CAMK1D: variants seen among roughly 807,000 people sequenced by gnomAD.
CAMK1D encodes calcium/calmodulin dependent protein kinase ID.
CAMK1D carries 9 observed loss-of-function variants against 47.7 expected under a neutral mutation model. The observed-to-expected ratio is 0.19, with a 90% CI of 0.11 to 0.33. The LOEUF (loss-of-function observed/expected upper bound fraction) is 0.33, where lower values mean the gene tolerates loss of function less well. Among genes scored for constraint, CAMK1D ranks in the 10% least tolerant of loss-of-function variants. CAMK1D has a pLI of 1.00. For missense variants in CAMK1D, 291 were observed against 488.7 expected (o/e 0.60, Z 3.81); for synonymous variants, 184 against 184.9 (o/e 0.99, Z 0.04).
At chr10:12,425,999 G>C (rs1212499663) in intron 1 of CAMK1D, among the ~76,000 whole-genome samples, 1 of 152,184 alleles carries the variant, frequency 6.6e-6, no homozygotes, top group Non-Finnish European at 1.5e-5. Context: ...GCCCATGCCA[G>C]GTATATGTCA....
intron 1 of CAMK1D, among the ~76,000 whole-genome samples, chr10:12,382,057 A>G (rs1564304107): frequency 6.6e-6 from 1 of 152,106 alleles, no homozygotes; most frequent in African/African-American, 2.4e-5. Flanking sequence ...ACAATTTTTC[A>G]TTTTTTTATC....
intron 7 of CAMK1D, 130 bp from the exon 8 acceptor site, chr10:12,816,120 G>A (rs1832782401): frequency 1.5e-6 from 1 of 677,824 alleles, no homozygotes. Flanking sequence ...CCAAGGTACA[G>A]TAGTCTCTGT....
chr10:12,506,502 G>A (rs1834875769), intron 1 of CAMK1D, among the ~76,000 whole-genome samples: 1 of 151,990 alleles, frequency 6.6e-6, no homozygotes, highest in South Asian at 2.1e-4. Flanking sequence ...GGAAGATCTG[G>A]GCTCTCTCTT....
At chr10:12,648,329 G>T (rs1839867410) in intron 2 of CAMK1D, among the ~76,000 whole-genome samples, 2 of 152,104 alleles carry the variant, frequency 1.3e-5, no homozygotes, top group South Asian at 4.2e-4. Flanking sequence ...GGTTCCCCCT[G>T]CCTAGCGATG....
chr10:12,587,457 G>T (rs1349062513), intron 2 of CAMK1D, among the ~76,000 whole-genome samples: 1 of 151,958 alleles, frequency 6.6e-6, no homozygotes, highest in African/African-American at 2.4e-5. Flanking sequence ...GACAGCCGGG[G>T]CTTCTGGAGG....
intron 1 of CAMK1D, among the ~76,000 whole-genome samples, chr10:12,489,478 G>A (rs1280270327): frequency 2.0e-5 from 3 of 152,184 alleles, no homozygotes; most frequent in Admixed American, 2.0e-4. Context: ...GAAGTCATTT[G>A]TGCTTCCATA....
chr10:12,712,369 G>A (rs765646487), intron 3 of CAMK1D, among the ~76,000 whole-genome samples: 2 of 152,210 alleles, frequency 1.3e-5, no homozygotes, highest in African/African-American at 4.8e-5. Flanking sequence ...CTGCAGCAGC[G>A]CCATGGAGGG....
At chr10:12,451,468 C>A (rs1833081098) in intron 1 of CAMK1D, among the ~76,000 whole-genome samples, 1 of 152,170 alleles carries the variant, frequency 6.6e-6, no homozygotes, top group East Asian at 1.9e-4. Context: ...GACCTGGTAT[C>A]CCCAGGGACC....
Position 12,622,591 on chromosome 10 carries a change from ATACT to A in CAMK1D, c.225-44143_225-44140del, listed in dbSNP as rs200337274. Reference sequence around the variant, plus strand: ...TTATACTTAGGAAGAATAGAGAAACATACTTCTACTCCTTTTTGCAAGTGGAGGC... The same window carrying A: ...TTATACTTAGGAAGAATAGAGAAACATCTACTCCTTTTTGCAAGTGGAGGC... On this transcript the variant is annotated intron_variant, in intron 2 of 10. Coordinates refer to ENST00000619168, the MANE Select transcript of CAMK1D (RefSeq NM_153498.4). Among the ~76,000 whole-genome samples, 1,121 of 152,196 alleles carry A rather than the reference ATACT, an allele frequency of 7.4e-3. 48 individuals are homozygous for A. Among genetic ancestry groups the A allele is most frequent in the Admixed American group, 0.067 (1,018 of 15,282 alleles).
At chr10:12,807,510 T>C (rs1024792322) in intron 6 of CAMK1D, among the ~76,000 whole-genome samples, 18 of 151,996 alleles carry the variant, frequency 1.2e-4, no homozygotes, top group Non-Finnish European at 2.5e-4. Context: ...CCTCAGGGAG[T>C]TGGCTCAGCT....
chr10:12,815,716 A>G (rs904019973), intron 7 of CAMK1D, among the ~76,000 whole-genome samples: 1 of 152,228 alleles, frequency 6.6e-6, no homozygotes, highest in Non-Finnish European at 1.5e-5. Flanking sequence ...TTCCCCCAGC[A>G]GGGCACAGCT....
intron 1 of CAMK1D, among the ~76,000 whole-genome samples, chr10:12,383,159 T>A (rs180779022): frequency 6.6e-6 from 1 of 152,320 alleles, no homozygotes; most frequent in Non-Finnish European, 1.5e-5. Context: ...GTAGTTTTTT[T>A]ATCTGAAGTA....
chr10:12,578,036 A>G (rs1392516404), intron 2 of CAMK1D, among the ~76,000 whole-genome samples: 2 of 152,168 alleles, frequency 1.3e-5, no homozygotes, highest in Non-Finnish European at 2.9e-5. Context: ...ACATCCTCAC[A>G]GCAACTCTGC....
At chr10:12,486,582 G>A (rs1201905529) in intron 1 of CAMK1D, among the ~76,000 whole-genome samples, 1 of 152,032 alleles carries the variant, frequency 6.6e-6, no homozygotes, top group Non-Finnish European at 1.5e-5. Context: ...TGTTTTTCTG[G>A]AGAACCCTAG....
chr10:12,425,665 A>G (rs1279121144), intron 1 of CAMK1D, among the ~76,000 whole-genome samples: 12 of 152,138 alleles, frequency 7.9e-5, no homozygotes, highest in Admixed American at 6.5e-4. Context: ...TTGCTTATTT[A>G]TCCTGTTCCT....
At chr10:12,710,574 C>T (rs950716037) in intron 3 of CAMK1D, among the ~76,000 whole-genome samples, 2 of 152,178 alleles carry the variant, frequency 1.3e-5, no homozygotes, top group African/African-American at 2.4e-5. Context: ...AGACTTCTTT[C>T]GGGCTCAGGT....
At chr10:12,807,638 G>A (rs189703565) in intron 6 of CAMK1D, among the ~76,000 whole-genome samples, 2 of 152,246 alleles carry the variant, frequency 1.3e-5, no homozygotes, top group East Asian at 1.9e-4. Context: ...TAACAGCCAG[G>A]CCACCCCGGC....
chr10:12,716,288 C>T (rs370636204), intron 3 of CAMK1D, among the ~76,000 whole-genome samples: 1 of 152,094 alleles, frequency 6.6e-6, no homozygotes, highest in East Asian at 1.9e-4. Context: ...TATCAGCACC[C>T]CTGGCTTCCA....
chr10:12,474,393 C>T (rs1358561914), intron 1 of CAMK1D, among the ~76,000 whole-genome samples: 1 of 151,870 alleles, frequency 6.6e-6, no homozygotes. Context: ...TGGGGTTTCA[C>T]CGTGTTTTCC....
Sources: gnomAD v4.1 joint callset for allele counts (sites outside exome capture counted in the v4.1 genomes callset) on GRCh38, gnomAD v4.1.1 for gene constraint, MANE v1.5 for transcripts, NCBI Gene and HGNC (gene_info 2026-07-23, HGNC 2026-07-21) for gene names.